Variants in CTNNA2 observed in about 807,000 individuals in gnomAD.
The protein encoded by CTNNA2 is catenin alpha 2, also known as catenin alpha-2.
A neutral mutation model predicts 101.0 loss-of-function variants in CTNNA2; 42 were observed. The ratio of observed to expected loss-of-function variants is 0.42; its 90% CI spans 0.32 to 0.54. The LOEUF (loss-of-function observed/expected upper bound fraction) is 0.54. Ranked by LOEUF, CTNNA2 falls within the 20% of genes least tolerant of loss-of-function variation. The pLI is 0.14. For missense variants in CTNNA2, 871 were observed against 1,223.1 expected (o/e 0.71, Z 4.29); for synonymous variants, 450 against 456.4 (o/e 0.99, Z 0.18).
At chr2:80,430,558 T>C (rs1298021764) in intron 9 of CTNNA2, among the ~76,000 whole-genome samples, 1 of 152,166 alleles carries the variant, frequency 6.6e-6, no homozygotes, top group Non-Finnish European at 1.5e-5. Context: ...ATTAACCTTG[T>C]ACATTCCTTA....
chr2:79,556,487 A>G (rs146668758), intron 1 of CTNNA2, among the ~76,000 whole-genome samples: 3 of 152,058 alleles, frequency 2.0e-5, no homozygotes, highest in Non-Finnish European at 4.4e-5. Flanking sequence ...TTCAACAAAC[A>G]TGAGATGATT....
rs548829631 is a variant in CTNNA2 at position 80,572,145 on chromosome 2, G to T, written c.1742-2018G>T. Among the ~76,000 whole-genome samples, 59 of 152,196 alleles carry T rather than the reference G, an allele frequency of 3.9e-4. 1 individual carries two copies. The South Asian group carries it at 0.012, about 31-fold the overall frequency. On this transcript the variant is annotated intron_variant, in intron 12 of 18. Coordinates refer to ENST00000402739, the MANE Select transcript of CTNNA2 (RefSeq NM_001282597.3). ...ATCTGTAGTAGAAGGGTACCATTGTGTCTGCATGCTCAATATGATTAATAT... is the reference window on the plus strand; with the variant it reads ...ATCTGTAGTAGAAGGGTACCATTGTTTCTGCATGCTCAATATGATTAATAT...
intron 9 of CTNNA2, among the ~76,000 whole-genome samples, chr2:80,434,206 C>G (rs1350849224): frequency 1.3e-5 from 2 of 152,152 alleles, no homozygotes; most frequent in Non-Finnish European, 2.9e-5. Flanking sequence ...ATTTCCATGA[C>G]AAGTTGTCTT....
chr2:79,590,230 C>T (rs924993799), intron 1 of CTNNA2, among the ~76,000 whole-genome samples: 7 of 152,178 alleles, frequency 4.6e-5, no homozygotes, highest in Non-Finnish European at 8.8e-5. Flanking sequence ...GTATACTTAA[C>T]CATGCTCTGC....
intron 7 of CTNNA2, among the ~76,000 whole-genome samples, chr2:80,390,073 G>T (rs1035105048): frequency 6.6e-6 from 1 of 152,154 alleles, no homozygotes; most frequent in Admixed American, 6.5e-5. Context: ...TGGAGAAAAA[G>T]CTGGCTCATT....
chr2:79,760,716 A>C (rs925732896), intron 3 of CTNNA2, among the ~76,000 whole-genome samples: 1 of 152,250 alleles, frequency 6.6e-6, no homozygotes, highest in Admixed American at 6.5e-5. Flanking sequence ...ATTGATAAGT[A>C]ATGCTATGCC....
intron 7 of CTNNA2, among the ~76,000 whole-genome samples, chr2:80,010,060 T>C (rs141600120): frequency 6.6e-6 from 1 of 152,292 alleles, no homozygotes; most frequent in African/African-American, 2.4e-5. Context: ...TGTGATTATA[T>C]AAATAAATGT....
intron 3 of CTNNA2, among the ~76,000 whole-genome samples, chr2:79,336,413 C>A (rs1176387064): frequency 6.6e-6 from 1 of 152,130 alleles, no homozygotes; most frequent in African/African-American, 2.4e-5. Flanking sequence ...CAATGTTACT[C>A]CTTATGATAG....
chr2:80,251,626 C>A (rs1397907274), intron 7 of CTNNA2, among the ~76,000 whole-genome samples: 1 of 152,162 alleles, frequency 6.6e-6, no homozygotes, highest in African/African-American at 2.4e-5. Flanking sequence ...CTAAGTCTAG[C>A]CACGATCTGA....
chr2:80,565,583 G>A (rs1462705865), intron 12 of CTNNA2, among the ~76,000 whole-genome samples: 1 of 92,496 alleles, frequency 1.1e-5, no homozygotes, highest in Non-Finnish European at 2.2e-5. Context: ...AAAGAGACTA[G>A]GTGATTTTGC....
chr2:79,576,298 G>T, intron 1 of CTNNA2, among the ~76,000 whole-genome samples: 1 of 152,190 alleles, frequency 6.6e-6, no homozygotes, highest in East Asian at 1.9e-4. Context: ...TTTACAAAAA[G>T]AGTTAAAGGA....
At chr2:80,219,308 G>A (rs1708440654) in intron 7 of CTNNA2, among the ~76,000 whole-genome samples, 2 of 152,136 alleles carry the variant, frequency 1.3e-5, no homozygotes, top group South Asian at 4.1e-4. Context: ...AGGGGACTTA[G>A]CAATATCTAT....
chr2:79,393,502 A>T (rs1224435824), intron 4 of CTNNA2, among the ~76,000 whole-genome samples: 1 of 152,014 alleles, frequency 6.6e-6, no homozygotes, highest in African/African-American at 2.4e-5. Context: ...TATAACCACA[A>T]AGTCTAAAAT....
chr2:79,909,513 T>G, intron 6 of CTNNA2, 81 bp from the exon 7 acceptor site: 1 of 1,159,830 alleles, frequency 8.6e-7, no homozygotes, highest in Non-Finnish European at 1.2e-6. Context: ...TTGCCTCAGA[T>G]ATTTCTGGTT....
intron 2 of CTNNA2, among the ~76,000 whole-genome samples, chr2:79,722,146 A>T (rs1328356179): frequency 6.6e-6 from 1 of 152,216 alleles, no homozygotes; most frequent in Admixed American, 6.5e-5. Flanking sequence ...CATTTTTTGA[A>T]CACCCACTGT....
chr2:80,195,010 C>A (rs1178366782), intron 7 of CTNNA2, among the ~76,000 whole-genome samples: 1 of 152,050 alleles, frequency 6.6e-6, no homozygotes, highest in African/African-American at 2.4e-5. Context: ...TAGTTTGCTT[C>A]GTGTATTTTA....
At chr2:80,086,558 G>A (rs369388431) in intron 7 of CTNNA2, among the ~76,000 whole-genome samples, 3 of 152,122 alleles carry the variant, frequency 2.0e-5, no homozygotes, top group East Asian at 1.9e-4. Context: ...AAAGGGCTCT[G>A]ACTTAGGAAT....
chr2:80,612,474 C>T (rs1698544424), intron 17 of CTNNA2, among the ~76,000 whole-genome samples: 1 of 151,444 alleles, frequency 6.6e-6, no homozygotes, highest in African/African-American at 2.4e-5. Flanking sequence ...CTCTTATACC[C>T]TCAATAAACC....
At chr2:79,378,009 T>C (rs1677998492) in intron 4 of CTNNA2, among the ~76,000 whole-genome samples, 1 of 152,164 alleles carries the variant, frequency 6.6e-6, no homozygotes, top group South Asian at 2.1e-4. Flanking sequence ...ATGTGGCATC[T>C]CAACATGAAG....
Sources: gnomAD v4.1 joint callset for allele counts (sites outside exome capture counted in the v4.1 genomes callset) on GRCh38, gnomAD v4.1.1 for gene constraint, MANE v1.5 for transcripts, NCBI Gene and HGNC (gene_info 2026-07-23, HGNC 2026-07-21) for gene names.